The following KATNAL2 variants were observed in gnomAD, a reference collection of about 807,000 sequenced individuals.
The protein encoded by KATNAL2 is katanin catalytic subunit A1 like 2, also known as katanin p60 ATPase-containing subunit A-like 2.
A neutral mutation model predicts 76.3 loss-of-function variants in KATNAL2; 52 were observed. The ratio of observed to expected loss-of-function variants is 0.68; its 90% confidence interval spans 0.55 to 0.86. KATNAL2 has a LOEUF of 0.86. KATNAL2 is among the 40% of genes least tolerant of loss of function. The pLI is 0.00. For missense variants in KATNAL2, 660 were observed against 668.9 expected, an observed-to-expected ratio of 0.99 and a Z score of 0.15; for synonymous variants, 243 against 244.2, an observed-to-expected ratio of 1.00 and a Z score of 0.05.
At chr18:47,067,841 C>G (rs1167837570) in intron 11 of KATNAL2, among the ~76,000 whole-genome samples, 1 of 152,206 alleles carries the variant, frequency 6.6e-6, no homozygotes, top group Admixed American at 6.5e-5. Context: ...TGGCTCATCT[C>G]TTTTCCACGT....
chr18:46,961,917 T>A (rs1053663685), intron 3 of KATNAL2, among the ~76,000 whole-genome samples: 5 of 152,196 alleles, frequency 3.3e-5, no homozygotes, highest in African/African-American at 1.2e-4. Context: ...GGTTTGCTAC[T>A]AAGAATATAA....
rs922246501 is a variant in KATNAL2, at chr18:46,957,950, C to T, written c.51+11027C>T. Among the ~76,000 whole-genome samples, 3 of 152,068 alleles carry T rather than the reference C, an allele frequency of 2.0e-5. No individual in the cohort carries two copies. In the East Asian group the frequency reaches 5.8e-4, roughly 29 times the overall value. On this transcript the variant is annotated intron_variant, in intron 3 of 17. Transcript: ENST00000683218. ...TGACCTCGTGATCCATCTGCCTCAG[C>T]CTCCCAAAGTGCTGGGATTACAGGT...
intron 3 of KATNAL2, among the ~76,000 whole-genome samples, chr18:46,949,057 C>T (rs531659201): frequency 1.7e-4 from 26 of 151,806 alleles, no homozygotes; most frequent in African/African-American, 3.1e-4. Flanking sequence ...ACACCATGCC[C>T]GGCTAATTTT....
intron 3 of KATNAL2, among the ~76,000 whole-genome samples, chr18:46,953,756 CAA>C (rs35379896): frequency 2.7e-5 from 4 of 145,786 alleles, no homozygotes; most frequent in Non-Finnish European, 3.0e-5. Flanking sequence ...GACCCCGTCT[CAA>C]AAAAAAAAAG....
chr18:47,084,676 C>CT (rs1568013759), intron 15 of KATNAL2, among the ~76,000 whole-genome samples: 1 of 151,644 alleles, frequency 6.6e-6, no homozygotes, highest in African/African-American at 2.4e-5. Flanking sequence ...TGATGAAACT[C>CT]TATCTCTACT....
At chr18:46,920,478 A>C (rs1270570200) in intron 1 of KATNAL2, among the ~76,000 whole-genome samples, 1 of 152,106 alleles carries the variant, frequency 6.6e-6, no homozygotes, top group African/African-American at 2.4e-5. Context: ...TGACTTTGAT[A>C]CTCACTCTGC....
At chr18:46,957,753 G>T (rs1418341772) in intron 3 of KATNAL2, among the ~76,000 whole-genome samples, 2 of 151,084 alleles carry the variant, frequency 1.3e-5, no homozygotes, top group East Asian at 2.0e-4. Flanking sequence ...GTAGAGACAG[G>T]GTTTCTCCAT....
chr18:47,079,039 G>A (rs2147267598), intron 15 of KATNAL2, among the ~76,000 whole-genome samples: 1 of 152,200 alleles, frequency 6.6e-6, no homozygotes, highest in Non-Finnish European at 1.5e-5. Context: ...AAGGAAAAAA[G>A]CAGAATGAAC....
In KATNAL2 at chr18:47,050,855, C is replaced by T. The variant is rs779346947; in HGVS notation, c.123-2025C>T. Among the ~76,000 whole-genome samples the T allele has an allele frequency of 3.3e-5, 5 of 152,034 alleles. 1 individual carries two copies. Among genetic ancestry groups the T allele is most frequent in the Non-Finnish European group, 4.4e-5 (3 of 68,030 alleles). ...AAAGATGTATAGAATATGAATAGAC[C>T]GATGTGATGTAAGGCCATTCCTGGC... On this transcript the variant is annotated intron_variant, in intron 4 of 17. Transcript: ENST00000683218.
intron 1 of KATNAL2, among the ~76,000 whole-genome samples, chr18:46,932,024 C>T (rs781412356): frequency 2.4e-4 from 36 of 151,988 alleles, no homozygotes; most frequent in South Asian, 6.2e-4. Context: ...GATTCTCCCA[C>T]CTCAGCCTCC....
chr18:46,952,745 C>T (rs2059603043), intron 3 of KATNAL2, among the ~76,000 whole-genome samples: 1 of 151,612 alleles, frequency 6.6e-6, no homozygotes, highest in Admixed American at 6.6e-5. Context: ...TTCACTGTAT[C>T]CTGTTCTTGC....
chr18:47,033,182 T>C lies in KATNAL2; in HGVS notation c.52-13275T>C, dbSNP rs377084937. On this transcript the variant is annotated intron_variant, in intron 3 of 17. Transcript: ENST00000683218. ...CGAAGGATGCTGCTGCTGCTGTCTC[T>C]GCCACCGCCGCTGCTGCTCTGGCTG... 15 of 1,614,054 alleles carry C rather than the reference T, an allele frequency of 9.3e-6. No individual in the cohort carries two copies. The highest frequency in any genetic ancestry group is 2.2e-5 in the South Asian group (2 of 91,070).
rs142046544 is a variant in KATNAL2 at position 46,938,392 on chromosome 18, A to T, written c.-509-7665A>T. Among the ~76,000 whole-genome samples the T allele has an allele frequency of 3.9e-4, 59 of 152,312 alleles. No individual in the cohort carries two copies. In the East Asian group the frequency reaches 0.011, roughly 28 times the overall value. On this transcript the variant is annotated intron_variant, in intron 1 of 17. Coordinates refer to ENST00000683218, the MANE Select transcript of KATNAL2 (RefSeq NM_001387690.1). Reference sequence around the variant, plus strand: ...AAGGCTATTTTGGGTATTCCACTATACTTAACACAGTTTTCTTTCTTTAAA... The same window carrying T: ...AAGGCTATTTTGGGTATTCCACTATTCTTAACACAGTTTTCTTTCTTTAAA...
intron 3 of KATNAL2, among the ~76,000 whole-genome samples, chr18:46,958,270 C>T (rs978787371): frequency 1.3e-5 from 2 of 152,074 alleles, no homozygotes; most frequent in Non-Finnish European, 2.9e-5. Flanking sequence ...ATCATTGGCT[C>T]TTCTGGTTCT....
chr18:47,089,034 A>G (rs890093648), intron 15 of KATNAL2, among the ~76,000 whole-genome samples: 3 of 152,222 alleles, frequency 2.0e-5, no homozygotes, highest in Non-Finnish European at 2.9e-5. Context: ...CCCTTCAGCA[A>G]TACTGAGTCT....
At chr18:47,048,305 G>T (rs1347982641) in intron 4 of KATNAL2, among the ~76,000 whole-genome samples, 1 of 152,150 alleles carries the variant, frequency 6.6e-6, no homozygotes, top group Non-Finnish European at 1.5e-5. Context: ...CTAAAAGTCG[G>T]TTTTGAGACT....
intron 3 of KATNAL2, among the ~76,000 whole-genome samples, chr18:47,043,197 A>G (rs1016659468): frequency 5.6e-5 from 8 of 142,048 alleles, no homozygotes; most frequent in African/African-American, 1.3e-4. Context: ...ACTACACTCC[A>G]GCCCCGGCGA....
rs1942247 is a variant in KATNAL2, at chr18:46,928,707, C to G, written c.-510+10781C>G. On this transcript the variant is annotated intron_variant, in intron 1 of 17. Coordinates refer to ENST00000683218, the MANE Select transcript of KATNAL2 (RefSeq NM_001387690.1). Reference sequence around the variant, plus strand: ...TATTTGGCCATCTTGGCTCCTCCCCCCTGATACGGAACATTTTCATCAACC... The same window carrying G: ...TATTTGGCCATCTTGGCTCCTCCCCGCTGATACGGAACATTTTCATCAACC... 7.9e-5 allele frequency among the ~76,000 whole-genome samples: 12 copies of G among 151,622 alleles called. No individual in the cohort carries two copies. In the South Asian group the frequency reaches 1.0e-3, roughly 13 times the overall value.
chr18:46,949,967 G>C (rs1235042508), intron 3 of KATNAL2, among the ~76,000 whole-genome samples: 1 of 151,930 alleles, frequency 6.6e-6, no homozygotes, highest in Non-Finnish European at 1.5e-5. Flanking sequence ...TTACACTTGG[G>C]ATAAACCCTC....
Sources: allele counts gnomAD v4.1 joint callset (sites outside exome capture counted in the v4.1 genomes callset), GRCh38; gene constraint gnomAD v4.1.1; transcripts MANE v1.5; gene names NCBI Gene and HGNC (gene_info 2026-07-23, HGNC 2026-07-21).